Variants in SYNPR observed in about 807,000 individuals in gnomAD.
The protein encoded by SYNPR is synaptoporin.
A neutral mutation model predicts 32.9 loss-of-function variants in SYNPR; 23 were observed. The ratio of observed to expected loss-of-function variants is 0.70; its 90% CI spans 0.50 to 0.99. SYNPR has a LOEUF of 0.99. SYNPR is among the 50% of genes least tolerant of loss of function. SYNPR has a pLI of 0.00. For missense variants in SYNPR, 318 were observed against 349.3 expected, an observed-to-expected ratio of 0.91 and a Z score of 0.71; for synonymous variants, 146 against 135.9, an observed-to-expected ratio of 1.07 and a Z score of -0.52.
rs566793931 is a variant in SYNPR, at chr3:63,583,552, C to T, written c.409-25573C>T. The stretch of plus-strand genomic sequence containing the variant: ...TATAATGAGTTAGTCCAGTAAGTTT[C>T]GGGTCTAGGGTGCATTTTTATGTAG... On this transcript the variant is annotated intron_variant, in intron 4 of 5. Coordinates refer to ENST00000478300, the MANE Select transcript of SYNPR (RefSeq NM_001130003.2). Among the ~76,000 whole-genome samples the T allele has an allele frequency of 4.6e-5, 7 of 152,160 alleles. No individual in the cohort carries two copies. The South Asian group carries it at 1.2e-3, about 27-fold the overall frequency.
the SYNPR span, among the ~76,000 whole-genome samples, chr3:63,211,198 G>T: frequency 3.9e-3 from 591 of 152,226 alleles, 1 homozygote; most frequent in Non-Finnish European, 5.8e-3. Flanking sequence ...CTCCTGAGTA[G>T]CAGGGATTAC....
At chr3:63,527,692 T>C (rs1237653545) in intron 3 of SYNPR, among the ~76,000 whole-genome samples, 3 of 152,192 alleles carry the variant, frequency 2.0e-5, no homozygotes, top group African/African-American at 7.2e-5. Context: ...GATAGCCAAA[T>C]GCATAAGCCT....
rs561370614 is a variant in SYNPR, at chr3:63,417,300, T to A, written c.85-63532T>A. On this transcript the variant is annotated intron_variant, in intron 2 of 5. Coordinates refer to ENST00000478300, the MANE Select transcript of SYNPR (RefSeq NM_001130003.2). Reference sequence around the variant, plus strand: ...TTTGACTCCATGTCTCACATCCAGGTCACACTGTTGCAAGAGGTGGATTCC... The same window carrying A: ...TTTGACTCCATGTCTCACATCCAGGACACACTGTTGCAAGAGGTGGATTCC... 1.6e-4 allele frequency among the ~76,000 whole-genome samples: 24 copies of A among 152,370 alleles called. No individual in the cohort carries two copies. The South Asian group carries it at 4.6e-3, about 29-fold the overall frequency.
chr3:63,552,647 T>C (rs76241806), intron 3 of SYNPR, among the ~76,000 whole-genome samples: 1 of 152,198 alleles, frequency 6.6e-6, no homozygotes, highest in South Asian at 2.1e-4. Flanking sequence ...CCCAGGAATA[T>C]GCATTTTAAA....
Position 63,374,698 on chromosome 3 carries a change from T to A in SYNPR, c.84+95956T>A, listed in dbSNP as rs2087863640. Among the ~76,000 whole-genome samples the A allele has an allele frequency of 2.6e-5, 4 of 152,344 alleles. No individual in the cohort carries two copies. In the South Asian group the frequency reaches 8.3e-4, roughly 32 times the overall value. On this transcript the variant is annotated intron_variant, in intron 2 of 5. Transcript: ENST00000478300. ...TTCCAGTTACATACATATGATATTT[T>A]GGATATAGTTTTTGAAAATGAAAGA... is the stretch of plus-strand genomic sequence containing the variant.
intron 3 of SYNPR, among the ~76,000 whole-genome samples, chr3:63,552,568 G>A (rs77958636): frequency 6.6e-6 from 1 of 152,124 alleles, no homozygotes; most frequent in African/African-American, 2.4e-5. Flanking sequence ...AAGGGGACTG[G>A]ATTTTCCTGC....
At chr3:63,316,281 A>G (rs962391813) in intron 2 of SYNPR, among the ~76,000 whole-genome samples, 2 of 151,844 alleles carry the variant, frequency 1.3e-5, no homozygotes, top group East Asian at 1.9e-4. Context: ...TTCTTTCTCT[A>G]TCTTGTGGAA....
intron 2 of SYNPR, among the ~76,000 whole-genome samples, chr3:63,461,434 G>A (rs1031326747): frequency 2.0e-5 from 3 of 152,002 alleles, no homozygotes; most frequent in Non-Finnish European, 2.9e-5. Flanking sequence ...CCTTTTACTC[G>A]AGCAAGTCTG....
At chr3:63,390,532 A>G (rs564047344) in intron 2 of SYNPR, among the ~76,000 whole-genome samples, 1 of 152,330 alleles carries the variant, frequency 6.6e-6, no homozygotes, top group East Asian at 1.9e-4. Context: ...TGCAATGCCA[A>G]TAGTACCATG....
In SYNPR at chr3:63,452,175, C is replaced by T. The variant is rs186450783; in HGVS notation, c.85-28657C>T. 74 of 698,304 alleles carry T rather than the reference C, an allele frequency of 1.1e-4. No homozygotes were observed. The East Asian group carries it at 2.0e-3, about 19-fold the overall frequency. The allele number at this position is 698,304 out of a possible 1,614,324, so 43.3% of individuals were successfully genotyped here. A position where few individuals can be genotyped will look rare whatever the true frequency, so the allele number is the denominator to read the frequency against. ...TTGTTCGTATGTTCATTCATTTGTG[C>T]ATTCTATGTAATACTGAGCAGCCAC... On this transcript the variant is annotated intron_variant, in intron 2 of 5. Coordinates refer to ENST00000478300, the MANE Select transcript of SYNPR (RefSeq NM_001130003.2).
At chr3:63,576,654 G>A (rs867712562) in intron 4 of SYNPR, among the ~76,000 whole-genome samples, 90 of 151,986 alleles carry the variant, frequency 5.9e-4, no homozygotes, top group African/African-American at 2.1e-3. Flanking sequence ...AGCTGGGCAT[G>A]GTAGCACGTG....
At chr3:63,516,765 T>A (rs570273357) in intron 3 of SYNPR, among the ~76,000 whole-genome samples, 4 of 152,132 alleles carry the variant, frequency 2.6e-5, no homozygotes, top group Non-Finnish European at 5.9e-5. Flanking sequence ...CATCTATTCA[T>A]CTTTAGTTTT....
intron 3 of SYNPR, among the ~76,000 whole-genome samples, chr3:63,494,460 C>CGTATAT (rs1559516410): frequency 0.031 from 2,295 of 74,156 alleles, 69 homozygotes; most frequent in Middle Eastern, 0.043. Context: ...CATATATATA[C>CGTATAT]ATATATACAC....
intron 1 of SYNPR, among the ~76,000 whole-genome samples, chr3:63,234,656 G>C (rs1479762009): frequency 1.3e-5 from 2 of 152,188 alleles, no homozygotes; most frequent in Non-Finnish European, 2.9e-5. Flanking sequence ...GAAAGAAGTA[G>C]ACTTTCTAAG....
At chr3:63,258,855 A>T (rs1219634297) in intron 2 of SYNPR, among the ~76,000 whole-genome samples, 1 of 152,226 alleles carries the variant, frequency 6.6e-6, no homozygotes, top group Admixed American at 6.5e-5. Context: ...AAGAGAGAAG[A>T]ATCAAATAGA....
At chr3:63,606,341 C>A (rs1375935545) in intron 4 of SYNPR, among the ~76,000 whole-genome samples, 1 of 148,214 alleles carries the variant, frequency 6.7e-6, no homozygotes, top group Non-Finnish European at 1.5e-5. Flanking sequence ...TCCTTGACTT[C>A]AATCAGAAGC....
At chr3:63,465,544 A>G (rs1700661299) in intron 2 of SYNPR, among the ~76,000 whole-genome samples, 1 of 152,156 alleles carries the variant, frequency 6.6e-6, no homozygotes, top group Admixed American at 6.5e-5. Context: ...AATTTTAATG[A>G]AAAATTTCAA....
chr3:63,453,557 G>C (rs541472243), intron 2 of SYNPR, among the ~76,000 whole-genome samples: 1 of 152,212 alleles, frequency 6.6e-6, no homozygotes, highest in South Asian at 2.1e-4. Context: ...GTGTTTATCT[G>C]GGATAAGGAT....
chr3:63,505,139 G>A (rs944130664), intron 3 of SYNPR, among the ~76,000 whole-genome samples: 10 of 152,054 alleles, frequency 6.6e-5, no homozygotes, highest in Non-Finnish European at 1.2e-4. Flanking sequence ...TGTGCCAAGC[G>A]CTTTAGACAC....
Sources: gnomAD v4.1 joint callset for allele counts (sites outside exome capture counted in the v4.1 genomes callset) on GRCh38, gnomAD v4.1.1 for gene constraint, MANE v1.5 for transcripts, NCBI Gene and HGNC (gene_info 2026-07-23, HGNC 2026-07-21) for gene names.